The following GRM8 variants were observed in gnomAD, a reference collection of about 807,000 sequenced individuals.
GRM8 encodes glutamate metabotropic receptor 8.
A neutral mutation model predicts 87.2 loss-of-function variants in GRM8; 47 were observed. The observed-to-expected ratio is 0.54, with a 90% confidence interval of 0.43 to 0.69. GRM8 has a LOEUF of 0.69. GRM8 is among the 30% of genes least tolerant of loss of function. The pLI, the probability that GRM8 is intolerant of heterozygous loss-of-function variation, is 0.00. For synonymous variants in GRM8, 396 were observed against 404.5 expected, an observed-to-expected ratio of 0.98 and a Z score of 0.25; for missense variants, 1,019 against 1,139.2, an observed-to-expected ratio of 0.89 and a Z score of 1.52.
At chr7:126,453,378 G>A (rs1331128056) in intron 9 of GRM8, among the ~76,000 whole-genome samples, 1 of 151,626 alleles carries the variant, frequency 6.6e-6, no homozygotes, top group Non-Finnish European at 1.5e-5. Context: ...TTTCGGCTCA[G>A]GACACATATT....
At chr7:126,571,485 CT>C (rs1428937701) in intron 8 of GRM8, among the ~76,000 whole-genome samples, 1 of 152,170 alleles carries the variant, frequency 6.6e-6, no homozygotes, top group Non-Finnish European at 1.5e-5. Flanking sequence ...GCATTTACCC[CT>C]GGGCAAGAAA....
At chr7:126,969,440 C>T (rs978071235) in intron 3 of GRM8, among the ~76,000 whole-genome samples, 1 of 152,202 alleles carries the variant, frequency 6.6e-6, no homozygotes, top group African/African-American at 2.4e-5. Flanking sequence ...ATGTTCACAG[C>T]ATCTTCACCA....
intron 6 of GRM8, among the ~76,000 whole-genome samples, chr7:126,859,003 CACCTTCCCAG>C (rs1797923832): frequency 6.6e-6 from 1 of 151,964 alleles, no homozygotes; most frequent in African/African-American, 2.4e-5. Context: ...CCACACACAC[CACCTTCCCAG>C]ACCTTCCCAG....
Position 126,847,852 on chromosome 7 carries a change from G to A in GRM8, c.1156+54690C>T, listed in dbSNP as rs146390043. Among the ~76,000 whole-genome samples the A allele has an allele frequency of 6.9e-4, 105 of 152,204 alleles. 1 individual carries two copies. Among genetic ancestry groups the A allele is most frequent in the African/African-American group, 2.3e-3 (94 of 41,518 alleles). On this transcript the variant is annotated intron_variant, in intron 6 of 10. Coordinates refer to ENST00000339582, the MANE Select transcript of GRM8 (RefSeq NM_000845.3). Reference sequence around the variant, plus strand: ...GTATGTTGCATGAGGAGAAAATGTGGGATAGATATATTGGTGGATCCACTT... The same window carrying A: ...GTATGTTGCATGAGGAGAAAATGTGAGATAGATATATTGGTGGATCCACTT...
At chr7:126,583,027 G>C in intron 8 of GRM8, among the ~76,000 whole-genome samples, 1 of 152,118 alleles carries the variant, frequency 6.6e-6, no homozygotes, top group South Asian at 2.1e-4. Flanking sequence ...CAAATATCAA[G>C]GAGTAATATT....
chr7:126,831,318 G>A (rs1795345636), intron 6 of GRM8, among the ~76,000 whole-genome samples: 1 of 152,220 alleles, frequency 6.6e-6, no homozygotes, highest in Non-Finnish European at 1.5e-5. Context: ...GGAGCCTACA[G>A]AGGCAGGCAG....
intron 9 of GRM8, among the ~76,000 whole-genome samples, chr7:126,472,933 G>T (rs891942852): frequency 3.9e-5 from 6 of 152,214 alleles, no homozygotes; most frequent in African/African-American, 1.4e-4. Flanking sequence ...CAGCCTGTGG[G>T]TGCATAAAAG....
chr7:126,570,700 C>A (rs1364274458), intron 8 of GRM8, among the ~76,000 whole-genome samples: 2 of 152,138 alleles, frequency 1.3e-5, no homozygotes, highest in Middle Eastern at 3.2e-3. Flanking sequence ...GCATTCCCCC[C>A]ATTACCCCTA....
chr7:126,746,344 G>C (rs148644392), intron 7 of GRM8, among the ~76,000 whole-genome samples: 181 of 151,592 alleles, frequency 1.2e-3, no homozygotes, highest in African/African-American at 4.2e-3. Flanking sequence ...TTTAATAGTG[G>C]AAGACTCTAA....
chr7:126,731,167 C>T lies in GRM8; in HGVS notation c.1357+38698G>A, dbSNP rs540669979. Reference sequence around the variant, plus strand: ...TCCATCATTTGTCTTCTCCTGGTGTCCCAATGGTAAAGCTATAATATTGAT... The same window carrying T: ...TCCATCATTTGTCTTCTCCTGGTGTTCCAATGGTAAAGCTATAATATTGAT... On this transcript the variant is annotated intron_variant, in intron 7 of 10. Coordinates refer to ENST00000339582, the MANE Select transcript of GRM8 (RefSeq NM_000845.3). 1.1e-4 allele frequency among the ~76,000 whole-genome samples: 17 copies of T among 152,102 alleles called. No homozygotes were observed. In the South Asian group the frequency reaches 2.7e-3, roughly 24 times the overall value.
At chr7:127,046,602 C>T (rs1385965928) in intron 3 of GRM8, among the ~76,000 whole-genome samples, 1 of 152,002 alleles carries the variant, frequency 6.6e-6, no homozygotes, top group African/African-American at 2.4e-5. Context: ...GTGCCTGGCA[C>T]ATAGTAATTA....
At chr7:126,964,386 G>A (rs1809627237) in intron 3 of GRM8, among the ~76,000 whole-genome samples, 1 of 152,076 alleles carries the variant, frequency 6.6e-6, no homozygotes, top group South Asian at 2.1e-4. Context: ...CCTACAGAAT[G>A]GGAAAAAATT....
intron 7 of GRM8, among the ~76,000 whole-genome samples, chr7:126,732,022 A>G (rs1813654600): frequency 6.6e-6 from 1 of 152,180 alleles, no homozygotes. Flanking sequence ...AAAAACTGGA[A>G]TATGGAAAGC....
intron 3 of GRM8, among the ~76,000 whole-genome samples, chr7:126,974,505 AAGC>A (rs1156268276): frequency 6.6e-6 from 1 of 152,164 alleles, no homozygotes; most frequent in Non-Finnish European, 1.5e-5. Flanking sequence ...AACTAATGTA[AAGC>A]ACATCCAGAT....
intron 8 of GRM8, among the ~76,000 whole-genome samples, chr7:126,543,331 T>C (rs1414991567): frequency 6.6e-6 from 1 of 152,226 alleles, no homozygotes; most frequent in Non-Finnish European, 1.5e-5. Context: ...GAAAGAACCC[T>C]ATGTTGGCAT....
intron 6 of GRM8, among the ~76,000 whole-genome samples, chr7:126,807,575 C>T (rs572325043): frequency 1.3e-5 from 2 of 152,078 alleles, no homozygotes; most frequent in African/African-American, 4.8e-5. Context: ...TCCCTTTTGC[C>T]TCTTCCCCCT....
chr7:126,948,701 A>G (rs1163193374), intron 3 of GRM8, among the ~76,000 whole-genome samples: 1 of 151,824 alleles, frequency 6.6e-6, no homozygotes, highest in Non-Finnish European at 1.5e-5. Context: ...GATTTCCTTC[A>G]CTCCAGCCTC....
Position 126,695,308 on chromosome 7 carries a change from C to G in GRM8, c.1357+74557G>C, listed in dbSNP as rs564189086. On this transcript the variant is annotated intron_variant, in intron 7 of 10. Coordinates refer to ENST00000339582, the MANE Select transcript of GRM8 (RefSeq NM_000845.3). ...TCATTTGGAAATACCTACTTTCTTCCAAGAACTGTATAATGTACTAGAGAC... is the reference window on the plus strand; with the variant it reads ...TCATTTGGAAATACCTACTTTCTTCGAAGAACTGTATAATGTACTAGAGAC... Among the ~76,000 whole-genome samples the G allele has an allele frequency of 3.9e-5, 6 of 152,078 alleles. No homozygotes were observed. In the East Asian group the frequency reaches 1.2e-3, roughly 29 times the overall value.
At chr7:126,493,874 T>G (rs1584807936) in intron 9 of GRM8, among the ~76,000 whole-genome samples, 2 of 152,128 alleles carry the variant, frequency 1.3e-5, no homozygotes, top group East Asian at 3.9e-4. Flanking sequence ...ACAAAGGCAC[T>G]AGGAATGCGT....
Sources: allele counts gnomAD v4.1 joint callset (sites outside exome capture counted in the v4.1 genomes callset), GRCh38; gene constraint gnomAD v4.1.1; transcripts MANE v1.5; gene names NCBI Gene and HGNC (gene_info 2026-07-23, HGNC 2026-07-21).